GBF1: variants seen among roughly 807,000 people sequenced by gnomAD.
GBF1 encodes golgi brefeldin A resistant guanine nucleotide exchange factor 1.
Under a neutral mutation model 210.5 loss-of-function variants are expected in GBF1, and 114 were observed. That is an observed-to-expected ratio of 0.54 (90% CI 0.47 to 0.63). The LOEUF (loss-of-function observed/expected upper bound fraction) is 0.63, where lower values mean the gene tolerates loss of function less well. GBF1 is among the 30% of genes least tolerant of loss of function. GBF1 has a pLI of 0.00. For synonymous variants in GBF1, 850 were observed against 889.2 expected (o/e 0.96, Z 0.78); for missense variants, 1,851 against 2,357.7 (o/e 0.79, Z 4.45).
chr10:102,369,690 T>A (rs767322614), intron 24 of GBF1, 21 bp from the exon 25 acceptor site: 26 of 1,610,564 alleles, frequency 1.6e-5, no homozygotes, highest in Middle Eastern at 1.6e-4. Context: ...GGAAAGAAAT[T>A]ATTTTGACTT....
the GBF1 span, chr10:102,231,733 T>C: frequency 5.0e-6 from 8 of 1,610,524 alleles, no homozygotes; most frequent in African/African-American, 1.1e-4. Context: ...CTGCTTCTTT[T>C]TCAGCGAACC....
At chr10:102,278,325 T>A (rs1042729195) in intron 3 of GBF1, among the ~76,000 whole-genome samples, 2 of 152,112 alleles carry the variant, frequency 1.3e-5, no homozygotes, top group Non-Finnish European at 2.9e-5. Flanking sequence ...CATAACTGTT[T>A]ACAGAGTCTG....
rs11191271 is a variant in GBF1 at position 102,370,677 on chromosome 10, G to A, written c.3507-30G>A. ...GTTGCCCAGTGGCCCCTCTGGCTGA[G>A]ACTATCTTCATTCCTTTATGTCTAC... On this transcript the variant is annotated intron_variant, in intron 28 of 39. Coordinates refer to ENST00000369983, the MANE Select transcript of GBF1 (RefSeq NM_001377137.1). 9 of 1,610,746 alleles carry A rather than the reference G, an allele frequency of 5.6e-6. No homozygotes were observed. The East Asian group carries it at 1.6e-4, about 28-fold the overall frequency.
intron 3 of GBF1, among the ~76,000 whole-genome samples, chr10:102,342,389 G>GCACACACA (rs144630206): frequency 2.1e-5 from 3 of 144,010 alleles, no homozygotes; most frequent in African/African-American, 5.4e-5. Context: ...TCACACACAC[G>GCACACACA]CACACACACA....
intron 3 of GBF1, among the ~76,000 whole-genome samples, chr10:102,269,422 A>G (rs1437977285): frequency 6.6e-6 from 1 of 152,192 alleles, no homozygotes; most frequent in Non-Finnish European, 1.5e-5. Context: ...TCAGCCATGC[A>G]GCTTGCTTCC....
chr10:102,245,849 G>A (rs536224944), intron 1 of GBF1, 68 bp downstream of exon 1: 2 of 152,384 alleles, frequency 1.3e-5, no homozygotes, highest in South Asian at 2.1e-4. Flanking sequence ...TAGGGAATTA[G>A]TGGGAAGGGC....
intron 3 of GBF1, among the ~76,000 whole-genome samples, chr10:102,342,409 TCACACACAGA>T (rs1438309798): frequency 2.0e-5 from 3 of 146,460 alleles, no homozygotes; most frequent in South Asian, 2.1e-4. Context: ...ACACACACAC[TCACACACAGA>T]CACACACACA....
At chr10:102,360,099 G>A in intron 11 of GBF1, 85 bp from the exon 12 acceptor site, 1 of 832,470 alleles carries the variant, frequency 1.2e-6, no homozygotes, top group South Asian at 1.3e-5. Flanking sequence ...ACCTAAAATT[G>A]CCTTGTGTAA....
chr10:102,231,616 C>T, the GBF1 span: 1 of 1,609,934 alleles, frequency 6.2e-7, no homozygotes, highest in Non-Finnish European at 8.5e-7. Context: ...GAGGTTGGTC[C>T]ACACGGCGAT....
chr10:102,377,580 C>T lies in GBF1; in HGVS notation c.4494+440C>T, dbSNP rs544338819. Among the ~76,000 whole-genome samples the T allele has an allele frequency of 4.6e-5, 7 of 152,186 alleles. No individual in the cohort carries two copies. The East Asian group carries it at 9.7e-4, about 21-fold the overall frequency. On this transcript the variant is annotated intron_variant, in intron 33 of 39. Transcript: ENST00000369983. Reference sequence around the variant, plus strand: ...ATGTTGGCCAGGATGGCCTTGATCTCCTGACCTCGTGATCCGCCTGCCTCG... The same window carrying T: ...ATGTTGGCCAGGATGGCCTTGATCTTCTGACCTCGTGATCCGCCTGCCTCG...
intron 3 of GBF1, among the ~76,000 whole-genome samples, chr10:102,308,900 A>G (rs1337618350): frequency 1.3e-5 from 2 of 151,704 alleles, no homozygotes; most frequent in Admixed American, 6.6e-5. Flanking sequence ...AAAAAAAAAG[A>G]AGCCAAACCA....
chr10:102,265,385 G>T lies in GBF1; in HGVS notation c.163+5269G>T, dbSNP rs1020445547. Among the ~76,000 whole-genome samples the T allele has an allele frequency of 3.9e-5, 6 of 152,226 alleles. No homozygotes were observed. In the East Asian group the frequency reaches 1.2e-3, roughly 29 times the overall value. On this transcript the variant is annotated intron_variant, in intron 3 of 39. Coordinates refer to ENST00000369983, the MANE Select transcript of GBF1 (RefSeq NM_001377137.1). Reference sequence around the variant, plus strand: ...AAAACAGGAGAGGAACAGTCTAAAAGTATCACAACCAGGCTAGGTGCAGTG... The same window carrying T: ...AAAACAGGAGAGGAACAGTCTAAAATTATCACAACCAGGCTAGGTGCAGTG...
chr10:102,338,178 C>G (rs1253621244), intron 3 of GBF1, among the ~76,000 whole-genome samples: 1 of 151,620 alleles, frequency 6.6e-6, no homozygotes, highest in Admixed American at 6.6e-5. Context: ...CACTGACTTA[C>G]CAAATGAAAG....
At chr10:102,376,059 A>T (rs2060477510) in intron 30 of GBF1, among the ~76,000 whole-genome samples, 1 of 151,904 alleles carries the variant, frequency 6.6e-6, no homozygotes, top group African/African-American at 2.4e-5. Context: ...AGCTGCCACT[A>T]GATGCCATCA....
chr10:102,371,500 A>T (rs1158809435), intron 29 of GBF1, among the ~76,000 whole-genome samples: 2 of 152,240 alleles, frequency 1.3e-5, no homozygotes, highest in Non-Finnish European at 2.9e-5. Flanking sequence ...ACTTCTCCCC[A>T]AATTGATCTG....
At chr10:102,233,303 T>TA in the GBF1 span, among the ~76,000 whole-genome samples, 1 of 91,254 alleles carries the variant, frequency 1.1e-5, no homozygotes, top group African/African-American at 5.4e-5. Flanking sequence ...TTTTTTTCCT[T>TA]CTTTTTTTTT....
At chr10:102,365,357 A>G in intron 17 of GBF1, 40 bp from the exon 18 acceptor site, 3 of 1,532,256 alleles carry the variant, frequency 2.0e-6, no homozygotes, top group Non-Finnish European at 2.7e-6. Flanking sequence ...TCTAATTTAG[A>G]GGCAAAGTAG....
At chr10:102,248,710 A>C (rs750667961) in intron 1 of GBF1, among the ~76,000 whole-genome samples, 15 of 152,002 alleles carry the variant, frequency 9.9e-5, no homozygotes, top group Non-Finnish European at 1.6e-4. Flanking sequence ...ATCACAGCTC[A>C]CTGCAGCCTT....
At chr10:102,306,425 G>A (rs2077880734) in intron 3 of GBF1, among the ~76,000 whole-genome samples, 2 of 151,760 alleles carry the variant, frequency 1.3e-5, no homozygotes, top group Non-Finnish European at 2.9e-5. Context: ...CTCTTTATTT[G>A]TTTTTTTGTT....
Sources: gnomAD v4.1 joint callset for allele counts (sites outside exome capture counted in the v4.1 genomes callset) on GRCh38, gnomAD v4.1.1 for gene constraint, MANE v1.5 for transcripts, NCBI Gene and HGNC (gene_info 2026-07-23, HGNC 2026-07-21) for gene names.